ARHGAP6: variants seen among roughly 807,000 people sequenced by gnomAD.
ARHGAP6 encodes Rho GTPase activating protein 6.
Under a neutral mutation model 55.7 loss-of-function variants are expected in ARHGAP6, and 16 were observed. The observed-to-expected ratio is 0.29, with a 90% CI of 0.19 to 0.44. The LOEUF (loss-of-function observed/expected upper bound fraction) is 0.44, where lower values mean the gene tolerates loss of function less well. Among genes scored for constraint, ARHGAP6 ranks in the 20% least tolerant of loss-of-function variants. The pLI is 1.00. For missense variants in ARHGAP6, 698 were observed against 808.9 expected (o/e 0.86, Z 1.66); for synonymous variants, 382 against 360.9 (o/e 1.06, Z -0.66).
At chrX:11,573,340 T>C (rs2051552696) in intron 1 of ARHGAP6, among the ~76,000 whole-genome samples, 1 of 109,729 alleles carries the variant, frequency 9.1e-6, no homozygotes, top group Admixed American at 9.7e-5. Flanking sequence ...AAGTCTTTCA[T>C]CCATCTTGAA....
At chrX:11,571,895 A>C (rs1035990502) in intron 1 of ARHGAP6, among the ~76,000 whole-genome samples, 1 of 109,122 alleles carries the variant, frequency 9.2e-6, no homozygotes, top group African/African-American at 3.3e-5. Flanking sequence ...AAAATAAAAA[A>C]TTATAAAGGA....
intron 1 of ARHGAP6, among the ~76,000 whole-genome samples, chrX:11,370,760 C>T (rs752288682): frequency 1.8e-5 from 2 of 111,346 alleles, no homozygotes; most frequent in South Asian, 3.8e-4. Flanking sequence ...AATGTCTCTC[C>T]CTAGTGAGAA....
At chrX:11,479,629 T>C (rs2050436316) in intron 1 of ARHGAP6, among the ~76,000 whole-genome samples, 1 of 110,808 alleles carries the variant, frequency 9.0e-6, no homozygotes, top group African/African-American at 3.3e-5. Context: ...TCTCGCCATC[T>C]TGAAATTCTA....
At chrX:11,411,490 T>C (rs2049687522) in intron 1 of ARHGAP6, among the ~76,000 whole-genome samples, 1 of 108,482 alleles carries the variant, frequency 9.2e-6, no homozygotes, top group South Asian at 4.0e-4. Context: ...TAGACAGTCC[T>C]GGTGGCTGCT....
intron 2 of ARHGAP6, among the ~76,000 whole-genome samples, chrX:11,248,270 T>A (rs898436387): frequency 6.3e-5 from 7 of 111,631 alleles, no homozygotes; most frequent in Non-Finnish European, 1.3e-4. Flanking sequence ...GTAGTGGTGT[T>A]AAGGCACTGA....
At chrX:11,273,115 C>G (rs2047711536) in intron 1 of ARHGAP6, among the ~76,000 whole-genome samples, 1 of 110,592 alleles carries the variant, frequency 9.0e-6, no homozygotes. Flanking sequence ...ACACCCCTCC[C>G]CAAACCTCAC....
chrX:11,223,683 T>C (rs1215198560), intron 2 of ARHGAP6, among the ~76,000 whole-genome samples: 2 of 112,067 alleles, frequency 1.8e-5, no homozygotes, highest in Admixed American at 1.9e-4. Context: ...ACTATTCCTT[T>C]TAGAAAATCA....
intron 8 of ARHGAP6, among the ~76,000 whole-genome samples, chrX:11,174,643 C>CTTTCTCTTTCT (rs2046172934): frequency 2.8e-5 from 2 of 71,639 alleles, no homozygotes; most frequent in Non-Finnish European, 5.2e-5. Context: ...TTCTTTCTTT[C>CTTTCTCTTTCT]TTTCTTTCTT....
intron 1 of ARHGAP6, among the ~76,000 whole-genome samples, chrX:11,612,681 A>C (rs1044010511): frequency 4.4e-5 from 5 of 112,360 alleles, no homozygotes; most frequent in Non-Finnish European, 1.9e-5. Context: ...TTTATAAGCC[A>C]CCCAGTCAAA....
At chrX:11,441,152 C>T (rs190188083) in intron 1 of ARHGAP6, among the ~76,000 whole-genome samples, 1 of 111,829 alleles carries the variant, frequency 8.9e-6, no homozygotes, top group East Asian at 2.8e-4. Flanking sequence ...ATCAAAGGCC[C>T]TCCTACGAAG....
intron 3 of ARHGAP6, among the ~76,000 whole-genome samples, chrX:11,189,870 T>C (rs2046432114): frequency 1.8e-5 from 2 of 112,315 alleles, no homozygotes; most frequent in African/African-American, 6.5e-5. Flanking sequence ...TTGGCAATAT[T>C]TTAGATTCAT....
At chrX:11,193,725 G>C (rs1181883246) in intron 3 of ARHGAP6, among the ~76,000 whole-genome samples, 3 of 112,384 alleles carry the variant, frequency 2.7e-5, no homozygotes, top group Admixed American at 9.4e-5. Flanking sequence ...TTTTCACTGA[G>C]CCTATGTAAA....
chrX:11,664,185 G>A (rs2052728767), intron 1 of ARHGAP6, 56 bp downstream of exon 1: 16 of 1,093,816 alleles, frequency 1.5e-5, no homozygotes, highest in Non-Finnish European at 1.8e-5. Flanking sequence ...GCGGTCTCCT[G>A]AAACTGCCTG....
Position 11,139,480 on chromosome X carries a change from A to G in ARHGAP6, c.2308T>C (p.Ser770Pro), listed in dbSNP as rs768807159. 8.6e-7 allele frequency: 1 copy of G among 1,167,016 alleles called. No homozygotes were observed. Among genetic ancestry groups the G allele is most frequent in the Non-Finnish European group, 1.1e-6 (1 of 876,849 alleles). ...ESSSLRAGPC[S>P]LSQGNLSPNW... ...GGGGACAGGTTCCCTTGAGAAAGGG[A>G]GCAGGGCCCCGCTCTTAGGGAGCTG... Residue 770 changes from serine to proline, a missense_variant, in exon 13 of 13, where the codon TCC becomes CCC. By Grantham distance (74) the Ser-to-Pro change is moderately conservative. Around this residue, in one of 3 missense-constraint regions of ARHGAP6, gnomAD observed 212 missense variants for 208.7 expected, o/e 1.02. Coordinates refer to ENST00000337414, the MANE Select transcript of ARHGAP6 (RefSeq NM_013427.3).
chrX:11,514,830 T>C (rs1390974851), intron 1 of ARHGAP6, among the ~76,000 whole-genome samples: 6 of 98,457 alleles, frequency 6.1e-5, no homozygotes, highest in Non-Finnish European at 2.0e-5. Flanking sequence ...CACCTTTGTC[T>C]ATGCATTGCA....
intron 1 of ARHGAP6, among the ~76,000 whole-genome samples, chrX:11,519,859 C>T (rs946736015): frequency 2.9e-5 from 3 of 104,051 alleles, no homozygotes; most frequent in African/African-American, 7.1e-5. Flanking sequence ...AAGATTTAAA[C>T]GTTAGACCTA....
chrX:11,361,522 T>G (rs1402848800), intron 1 of ARHGAP6, among the ~76,000 whole-genome samples: 2 of 110,694 alleles, frequency 1.8e-5, no homozygotes, highest in East Asian at 2.8e-4. Context: ...ATTAAAGACT[T>G]AAATGTTAGA....
At chrX:11,241,327 T>C (rs1220953980) in intron 2 of ARHGAP6, among the ~76,000 whole-genome samples, 1 of 110,602 alleles carries the variant, frequency 9.0e-6, no homozygotes, top group Non-Finnish European at 1.9e-5. Flanking sequence ...TTCCTTATAA[T>C]CCAACCCTTT....
intron 1 of ARHGAP6, among the ~76,000 whole-genome samples, chrX:11,629,715 T>C (rs962219104): frequency 1.3e-4 from 15 of 111,139 alleles, no homozygotes; most frequent in African/African-American, 4.6e-4. Flanking sequence ...CCCAAGGCAC[T>C]GAGTGGCCAC....
Sources: gnomAD v4.1 joint callset for allele counts (sites outside exome capture counted in the v4.1 genomes callset) on GRCh38, gnomAD v4.1.1 for gene constraint, gnomAD v4.1.1 regional missense constraint, MANE v1.5 for transcripts, NCBI Gene and HGNC (gene_info 2026-07-23, HGNC 2026-07-21) for gene names.